C12orf42: variants seen among roughly 807,000 people sequenced by gnomAD.
C12orf42 encodes the protein chromosome 12 open reading frame 42.
A neutral mutation model predicts 21.6 loss-of-function variants in C12orf42; 25 were observed. The ratio of observed to expected loss-of-function variants is 1.16; its 90% CI spans 0.84 to 1.62. C12orf42 has a LOEUF of 1.62. Among genes scored for constraint, C12orf42 ranks in the 40% most tolerant of loss-of-function variants. The probability of loss-of-function intolerance (pLI) is 0.00; values close to 1 mark genes in which losing one functional copy is unlikely to be tolerated. For missense variants in C12orf42, 483 were observed against 459.3 expected (o/e 1.05, Z -0.47); for synonymous variants, 174 against 175.0 (o/e 0.99, Z 0.05).
At chr12:103,561,752 A>T in the C12orf42 span, among the ~76,000 whole-genome samples, 2 of 152,290 alleles carry the variant, frequency 1.3e-5, no homozygotes, top group South Asian at 4.1e-4. Context: ...CCAAGGCACC[A>T]TTGCCACCTG....
intron 10 of C12orf42, among the ~76,000 whole-genome samples, chr12:103,244,679 C>T (rs2136177835): frequency 6.6e-6 from 1 of 152,162 alleles, no homozygotes. Context: ...AATTTCCCCT[C>T]TTTTTTATCT....
chr12:103,436,848 A>T (rs1409145859), intron 2 of C12orf42, among the ~76,000 whole-genome samples: 1 of 150,262 alleles, frequency 6.7e-6, no homozygotes, highest in Non-Finnish European at 1.5e-5. Flanking sequence ...CAGATCAATG[A>T]GACAGAAAGT....
At chr12:103,319,432 A>G (rs2039863997) in intron 4 of C12orf42, among the ~76,000 whole-genome samples, 1 of 147,058 alleles carries the variant, frequency 6.8e-6, no homozygotes, top group Non-Finnish European at 1.5e-5. Flanking sequence ...AGGGATCACC[A>G]GAGATCTACA....
chr12:103,359,992 C>G (rs1166097030), intron 4 of C12orf42, among the ~76,000 whole-genome samples: 1 of 151,588 alleles, frequency 6.6e-6, no homozygotes, highest in South Asian at 2.1e-4. Context: ...CATCCCCTTT[C>G]CCTTACTGCC....
chr12:103,270,956 A>C (rs2035439924), intron 5 of C12orf42, among the ~76,000 whole-genome samples: 1 of 152,146 alleles, frequency 6.6e-6, no homozygotes, highest in South Asian at 2.1e-4. Flanking sequence ...TCCCAAAACA[A>C]GGTAGGAAAG....
At chr12:103,457,534 T>TTG (rs1415304865) in intron 2 of C12orf42, among the ~76,000 whole-genome samples, 2 of 152,176 alleles carry the variant, frequency 1.3e-5, no homozygotes, top group East Asian at 3.9e-4. Context: ...CGCAGACCAA[T>TTG]GTCTTACTGC....
intron 4 of C12orf42, among the ~76,000 whole-genome samples, chr12:103,345,590 TA>T (rs1435762154): frequency 6.6e-6 from 1 of 152,204 alleles, no homozygotes; most frequent in African/African-American, 2.4e-5. Context: ...ATTTTGCTGA[TA>T]TTCCTATTAA....
intron 5 of C12orf42, among the ~76,000 whole-genome samples, chr12:103,276,279 A>T (rs2035767701): frequency 6.6e-6 from 1 of 152,198 alleles, no homozygotes; most frequent in Non-Finnish European, 1.5e-5. Context: ...ATACTTAATG[A>T]AAAAACTTTT....
intron 2 of C12orf42, among the ~76,000 whole-genome samples, chr12:103,421,445 G>A (rs552948012): frequency 6.6e-6 from 1 of 151,940 alleles, no homozygotes; most frequent in African/African-American, 2.4e-5. Context: ...GTGGTGGTGT[G>A]TGCCTGTGGT....
chr12:103,115,010 T>C, the C12orf42 span, among the ~76,000 whole-genome samples: 1,825 of 152,358 alleles, frequency 0.012, 33 homozygotes, highest in African/African-American at 0.042. Context: ...CCGTGACCAA[T>C]TGTACACTGA....
At chr12:103,196,806 T>G in the C12orf42 span, among the ~76,000 whole-genome samples, 1 of 152,130 alleles carries the variant, frequency 6.6e-6, no homozygotes, top group South Asian at 2.1e-4. Context: ...AGCTTACAGG[T>G]GTCATTGAAT....
the C12orf42 span, among the ~76,000 whole-genome samples, chr12:103,204,178 T>C: frequency 6.6e-6 from 1 of 152,182 alleles, no homozygotes; most frequent in Non-Finnish European, 1.5e-5. Context: ...ATAACCTTGC[T>C]AATAGCCAAT....
chr12:103,148,077 T>C, the C12orf42 span, among the ~76,000 whole-genome samples: 1 of 152,140 alleles, frequency 6.6e-6, no homozygotes, highest in Non-Finnish European at 1.5e-5. Context: ...TTCTATATAT[T>C]ATTGATGAGT....
At chr12:103,316,376 A>C (rs1320575348) in intron 4 of C12orf42, among the ~76,000 whole-genome samples, 1 of 152,064 alleles carries the variant, frequency 6.6e-6, no homozygotes, top group Non-Finnish European at 1.5e-5. Context: ...TAAAAGAAAA[A>C]CTAAGACTGT....
At chr12:103,502,118 G>A in the C12orf42 span, among the ~76,000 whole-genome samples, 1 of 152,056 alleles carries the variant, frequency 6.6e-6, no homozygotes, top group Non-Finnish European at 1.5e-5. Flanking sequence ...ATCTTCCTCT[G>A]TGGCTCCTCC....
the C12orf42 span, among the ~76,000 whole-genome samples, chr12:103,069,767 C>A: frequency 6.6e-6 from 1 of 152,078 alleles, no homozygotes; most frequent in Admixed American, 6.6e-5. Flanking sequence ...TCTTGGCATA[C>A]CAGGCAAATT....
At chr12:103,413,972 G>A (rs2049075795) in intron 2 of C12orf42, among the ~76,000 whole-genome samples, 2 of 152,182 alleles carry the variant, frequency 1.3e-5, no homozygotes, top group Non-Finnish European at 1.5e-5. Context: ...AAACATGCAT[G>A]TGAAAATGTG....
At chr12:103,111,372 G>C in the C12orf42 span, among the ~76,000 whole-genome samples, 1 of 152,086 alleles carries the variant, frequency 6.6e-6, no homozygotes, top group Non-Finnish European at 1.5e-5. Flanking sequence ...CTACTAGTTG[G>C]TTTATTCCAA....
chr12:103,194,792 A>AT, the C12orf42 span, among the ~76,000 whole-genome samples: 1 of 152,020 alleles, frequency 6.6e-6, no homozygotes, highest in Non-Finnish European at 1.5e-5. Context: ...TTCCAAAAGC[A>AT]TTTTTTCCAA....
Sources: gnomAD v4.1 joint callset for allele counts (sites outside exome capture counted in the v4.1 genomes callset) on GRCh38, gnomAD v4.1.1 for gene constraint, MANE v1.5 for transcripts, NCBI Gene and HGNC (gene_info 2026-07-23, HGNC 2026-07-21) for gene names.